CLEC3B: variants seen among roughly 807,000 people sequenced by gnomAD.
CLEC3B encodes the protein C-type lectin domain family 3 member B, also known as tetranectin.
A neutral mutation model predicts 15.4 loss-of-function variants in CLEC3B; 13 were observed. The observed-to-expected ratio is 0.84, with a 90% CI of 0.55 to 1.34. The LOEUF is 1.34. Ranked by LOEUF, CLEC3B falls within the 40% of genes most tolerant of loss-of-function variation. The pLI is 0.00. For synonymous variants in CLEC3B, 112 were observed against 114.7 expected (o/e 0.98, Z 0.15); for missense variants, 242 against 268.6 (o/e 0.90, Z 0.69).
At chr3:45,030,007 A>G (rs565699777) in intron 1 of CLEC3B, 1 of 225,906 alleles carries the variant, frequency 4.4e-6, no homozygotes, top group Admixed American at 6.5e-5. Context: ...GGGCTCTGCC[A>G]TCCTCGGCCA....
chr3:45,026,586 T>A (rs560596697), intron 1 of CLEC3B, 115 bp downstream of exon 1: 13 of 890,622 alleles, frequency 1.5e-5, no homozygotes, highest in Non-Finnish European at 2.1e-5. Flanking sequence ...CTAGGGAACT[T>A]GAGTAAAGTG....
rs1697628727 is a variant in CLEC3B at position 45,035,572 on chromosome 3, C to T, written c.257C>T (p.Thr86Ile). The T allele has an allele frequency of 1.9e-6, 3 of 1,613,298 alleles. No individual in the cohort carries two copies. Among genetic ancestry groups the T allele is most frequent in the South Asian group, 1.1e-5 (1 of 90,982 alleles). Residue 86 changes from threonine (T) to isoleucine (I), a missense_variant, in exon 3 of 3, where the codon ACC becomes ATC. Transcript: ENST00000296130. ...KVHMKCFLAF[T>I]QTKTFHEASE... Reference sequence around the variant, plus strand: ...CACATGAAATGCTTTCTGGCCTTCACCCAGACGAAGACCTTCCACGAGGCC... The same window carrying T: ...CACATGAAATGCTTTCTGGCCTTCATCCAGACGAAGACCTTCCACGAGGCC...
chr3:45,030,116 GGTGACAT>G, intron 1 of CLEC3B: 1 of 935,912 alleles, frequency 1.1e-6, no homozygotes, highest in Non-Finnish European at 1.3e-6. Context: ...CATCACATGG[GGTGACAT>G]GTAGAACGGC....
At chr3:45,027,235 G>T (rs551247573) in intron 1 of CLEC3B, among the ~76,000 whole-genome samples, 1 of 152,338 alleles carries the variant, frequency 6.6e-6, no homozygotes, top group South Asian at 2.1e-4. Context: ...GGGGATGAGG[G>T]TGGGGACTGA....
intron 2 of CLEC3B, among the ~76,000 whole-genome samples, chr3:45,032,204 C>T (rs747579041): frequency 9.9e-5 from 15 of 152,180 alleles, no homozygotes; most frequent in Non-Finnish European, 1.6e-4. Context: ...TTCCCTTCCC[C>T]GCCTGCCTCC....
chr3:45,034,373 T>C (rs1697606910), intron 2 of CLEC3B: 1 of 152,206 alleles, frequency 6.6e-6, no homozygotes, highest in African/African-American at 2.4e-5. Context: ...CAGATGCCCA[T>C]GGGGACACTG....
In CLEC3B at chr3:45,030,894, C is replaced by G; in HGVS notation, c.177C>G (p.Ala59=). ...TGGACACCCTGGCCCAGGAGGTGGCCCTGCTGAAGGAGCAGCAGGCCCTGC... is the reference window on the plus strand; with the variant it reads ...TGGACACCCTGGCCCAGGAGGTGGCGCTGCTGAAGGAGCAGCAGGCCCTGC... ...SRLDTLAQEV[A]LLKEQQALQT... is the part of the protein sequence containing the mutation. Residue 59 remains alanine (A), a synonymous_variant, in exon 2 of 3, where the codon GCC becomes GCG. Transcript: ENST00000296130. The G allele has an allele frequency of 6.3e-7, 1 of 1,589,188 alleles. No homozygotes were observed. Among genetic ancestry groups the G allele is most frequent in the Non-Finnish European group, 8.6e-7 (1 of 1,167,648 alleles).
chr3:45,034,473 G>A (rs1203224095), intron 2 of CLEC3B: 1 of 152,210 alleles, frequency 6.6e-6, no homozygotes, highest in African/African-American at 2.4e-5. Flanking sequence ...CAAAGTGGTG[G>A]GGTCACCAGC....
intron 2 of CLEC3B, among the ~76,000 whole-genome samples, chr3:45,031,277 C>A (rs3765173): frequency 6.6e-6 from 1 of 152,030 alleles, no homozygotes; most frequent in Non-Finnish European, 1.5e-5. Flanking sequence ...GTGGCCCACC[C>A]TAGCAAAGCT....
At chr3:45,028,669 A>G (rs1381500961) in intron 1 of CLEC3B, among the ~76,000 whole-genome samples, 9 of 152,126 alleles carry the variant, frequency 5.9e-5, no homozygotes, top group Non-Finnish European at 1.3e-4. Flanking sequence ...CCTTTTCCAC[A>G]GGTCTTCAGG....
chr3:45,030,406 C>G (rs1237582132), intron 1 of CLEC3B, among the ~76,000 whole-genome samples: 2 of 152,202 alleles, frequency 1.3e-5, no homozygotes, highest in Non-Finnish European at 2.9e-5. Flanking sequence ...GTGCCCCAGG[C>G]TGGAGTGCCT....
rs545697969 is a variant in CLEC3B, at chr3:45,026,679, A to C, written c.109+208A>C. Among the ~76,000 whole-genome samples the C allele has an allele frequency of 9.2e-5, 14 of 152,248 alleles. No individual in the cohort carries two copies. The South Asian group carries it at 2.9e-3, about 32-fold the overall frequency. ...ATCCCTGACCCTTAGAGTTGGGAAG[A>C]ACCTTCCAGATCATCCAAACTGATC... On this transcript the variant is annotated intron_variant, in intron 1 of 2. Transcript: ENST00000296130.
intron 2 of CLEC3B, among the ~76,000 whole-genome samples, chr3:45,032,107 C>A (rs1697567232): frequency 6.6e-6 from 1 of 152,012 alleles, no homozygotes; most frequent in African/African-American, 2.4e-5. Flanking sequence ...CACCTTGACT[C>A]CTCAGCAAAT....
chr3:45,030,637 G>A (rs1697540327), intron 1 of CLEC3B, among the ~76,000 whole-genome samples, 190 bp from the exon 2 acceptor site: 1 of 152,274 alleles, frequency 6.6e-6, no homozygotes, highest in South Asian at 2.1e-4. Flanking sequence ...ACAGGAGCAA[G>A]TGAAGGATGG....
At position 45,035,864 on chromosome 3, in the gene CLEC3B, G is replaced by A; in HGVS notation, c.549G>A (p.Lys183=). ...CAVLSGAANG[K]WFDKRCRDQL... ...TCCTGTCAGGCGCGGCCAACGGCAAGTGGTTCGACAAGCGCTGCCGCGATC... is the reference window on the plus strand; with the variant it reads ...TCCTGTCAGGCGCGGCCAACGGCAAATGGTTCGACAAGCGCTGCCGCGATC... The change falls in exon 3 of 3, where the codon AAG becomes AAA. Residue 183 remains lysine (K), a synonymous_variant. Coordinates refer to ENST00000296130, the MANE Select transcript of CLEC3B (RefSeq NM_003278.3). 1 of 1,612,216 alleles carries A rather than the reference G, an allele frequency of 6.2e-7. No homozygotes were observed.
At position 45,035,943 on chromosome 3, in the gene CLEC3B, TG is replaced by T. The variant is rs753604194; in HGVS notation, c.*25del. ...CGTGTAGCCGGCGGGGCGGGGGCCG[TG>T]GGGGGCCTGGAGGAGGGCAGGGGCC... is the stretch of plus-strand genomic sequence containing the variant. On this transcript the variant is annotated 3_prime_UTR_variant, in exon 3 of 3. Transcript: ENST00000296130. 5.4e-6 allele frequency: 7 copies of T among 1,302,952 alleles called. No homozygotes were observed. In the Admixed American group the frequency reaches 1.1e-4, roughly 20 times the overall value. The allele number at this position is 1,302,952 out of a possible 1,614,324, so 80.7% of individuals were successfully genotyped here. A position where few individuals can be genotyped will look rare whatever the true frequency, so the allele number is the denominator to read the frequency against.
At chr3:45,030,111 C>T (rs1029621959) in intron 1 of CLEC3B, 1 of 919,550 alleles carries the variant, frequency 1.1e-6, no homozygotes, top group African/African-American at 1.8e-5. Context: ...ATGAGCATCA[C>T]ATGGGGTGAC....
At chr3:45,027,657 A>G (rs1441835916) in intron 1 of CLEC3B, among the ~76,000 whole-genome samples, 1 of 152,252 alleles carries the variant, frequency 6.6e-6, no homozygotes, top group Non-Finnish European at 1.5e-5. Flanking sequence ...CGCAGTCTCA[A>G]CTGGGAAAGA....
chr3:45,034,464 A>C (rs768300811), intron 2 of CLEC3B: 3 of 152,222 alleles, frequency 2.0e-5, no homozygotes, highest in Non-Finnish European at 4.4e-5. Flanking sequence ...GACATCCCCC[A>C]AAGTGGTGGG....
Sources: allele counts gnomAD v4.1 joint callset (sites outside exome capture counted in the v4.1 genomes callset), GRCh38; gene constraint gnomAD v4.1.1; transcripts MANE v1.5; gene names NCBI Gene and HGNC (gene_info 2026-07-23, HGNC 2026-07-21).